Variants in MGST1 observed in about 807,000 individuals in gnomAD.
MGST1 encodes glutathione S-transferase 12.
In MGST1, 5 loss-of-function variants were observed where a neutral mutation model predicts 8.9. The ratio of observed to expected loss-of-function variants is 0.56; its 90% confidence interval spans 0.29 to 1.19. The LOEUF is 1.19. MGST1 is among the 50% of genes most tolerant of loss of function. MGST1 has a pLI of 0.08. For missense variants in MGST1, 182 were observed against 187.4 expected, an observed-to-expected ratio of 0.97 and a Z score of 0.17; for synonymous variants, 54 against 67.8, an observed-to-expected ratio of 0.80 and a Z score of 1.00.
At chr12:16,515,695 C>T (rs1022340147) in intron 4 of MGST1, among the ~76,000 whole-genome samples, 1 of 151,956 alleles carries the variant, frequency 6.6e-6, no homozygotes, top group African/African-American at 2.4e-5. Context: ...CTCATACCCT[C>T]ACCCTTCTCG....
At chr12:16,519,994 T>C (rs1172809368) in intron 4 of MGST1, among the ~76,000 whole-genome samples, 1 of 152,150 alleles carries the variant, frequency 6.6e-6, no homozygotes, top group Non-Finnish European at 1.5e-5. Context: ...AAGAGTGAGG[T>C]AGTGCTATTT....
At position 16,495,915 on chromosome 12, in the gene MGST1, G is replaced by A. The variant is rs1941467448; in HGVS notation, n.483-93613G>A. Among the ~76,000 whole-genome samples, 3 of 152,056 alleles carry A rather than the reference G, an allele frequency of 2.0e-5. No homozygotes were observed. In the South Asian group the frequency reaches 6.2e-4, roughly 31 times the overall value. On this transcript the variant is annotated intron_variant and non_coding_transcript_variant, in intron 4 of 4. Coordinates refer to the MGST1 transcript ENST00000538857. ...AAAGCATTTGTCACAATCAGTAAGA[G>A]CTCTTGATTAATTATAGTCCCCTTT...
intron 1 of MGST1, chr12:16,350,759 G>C (rs988883593): frequency 6.6e-6 from 1 of 152,202 alleles, no homozygotes; most frequent in Non-Finnish European, 1.5e-5. Flanking sequence ...CCTGTGAAGG[G>C]GAAGATGTTA....
chr12:16,379,513 G>A (rs1940428808), downstream of MGST1, among the ~76,000 whole-genome samples: 1 of 152,174 alleles, frequency 6.6e-6, no homozygotes, highest in African/African-American at 2.4e-5. Flanking sequence ...TGATCATGGT[G>A]GATAAGTTTT....
chr12:16,459,623 C>T (rs539553170), intron 4 of MGST1, among the ~76,000 whole-genome samples: 121 of 152,042 alleles, frequency 8.0e-4, no homozygotes, highest in African/African-American at 2.8e-3. Flanking sequence ...CAACTGGGGT[C>T]GAGAATGACC....
At chr12:16,393,838 C>G (rs1940574793) in intron 1 of MGST1, among the ~76,000 whole-genome samples, 1 of 152,114 alleles carries the variant, frequency 6.6e-6, no homozygotes, top group African/African-American at 2.4e-5. Context: ...CCATTCAAAC[C>G]CAATCTGAAT....
chr12:16,489,569 A>G (rs1420849549), intron 4 of MGST1, among the ~76,000 whole-genome samples: 1 of 152,062 alleles, frequency 6.6e-6, no homozygotes, highest in Non-Finnish European at 1.5e-5. Flanking sequence ...TTTTCTCCTT[A>G]TTTCCATTAT....
chr12:16,431,843 A>G (rs753388355), intron 1 of MGST1, among the ~76,000 whole-genome samples: 2 of 152,198 alleles, frequency 1.3e-5, no homozygotes, highest in Non-Finnish European at 2.9e-5. Context: ...ACAAACAACA[A>G]CAAAAAAATG....
intron 1 of MGST1, chr12:16,402,424 C>T (rs1436252254): frequency 1.6e-5 from 25 of 1,603,870 alleles, no homozygotes; most frequent in Admixed American, 3.3e-5. Flanking sequence ...CAGCCATAGC[C>T]CTGGACGCCG....
chr12:16,366,206 G>A (rs746432562), downstream of MGST1, among the ~76,000 whole-genome samples: 5 of 152,254 alleles, frequency 3.3e-5, no homozygotes, highest in South Asian at 6.2e-4. The surrounding 1 kb of genome is among the most constrained non-coding windows in gnomAD (Gnocchi z 4.0). Flanking sequence ...CAGAACACAC[G>A]TAAGGAAAAG....
At chr12:16,404,150 T>C (rs1471984699) in intron 1 of MGST1, among the ~76,000 whole-genome samples, 1 of 152,186 alleles carries the variant, frequency 6.6e-6, no homozygotes, top group Non-Finnish European at 1.5e-5. Context: ...TACATACAAG[T>C]ATATCTATTT....
intron 1 of MGST1, among the ~76,000 whole-genome samples, chr12:16,411,571 A>T (rs1233436313): frequency 6.6e-6 from 1 of 152,164 alleles, no homozygotes; most frequent in African/African-American, 2.4e-5. Flanking sequence ...TAGGTAATTC[A>T]TTCTAAGAAG....
exon 4 of MGST1, chr12:16,376,248 T>G: frequency 1.6e-6 from 1 of 632,740 alleles, no homozygotes; most frequent in South Asian, 2.0e-5. Context: ...AAGAAAAAAT[T>G]TATCTTTTCA....
At position 16,487,407 on chromosome 12, in the gene MGST1, G is replaced by GAAA. The variant is rs201224684; in HGVS notation, n.483-102120_483-102118dup. On this transcript the variant is annotated intron_variant and non_coding_transcript_variant, in intron 4 of 4. Coordinates refer to the MGST1 transcript ENST00000538857. ...ATTCTTCCAGAGAAGAGAAAAAGAA[G>GAAA]AAAGACTCTCCAACTAACTTTTTTA... 1.0e-3 allele frequency among the ~76,000 whole-genome samples: 158 copies of GAAA among 152,156 alleles called. 3 individuals are homozygous for GAAA. In the East Asian group the frequency reaches 0.026, roughly 25 times the overall value.
intron 1 of MGST1, among the ~76,000 whole-genome samples, chr12:16,436,016 A>C (rs1301602522): frequency 1.4e-5 from 2 of 139,346 alleles, no homozygotes; most frequent in Non-Finnish European, 3.2e-5. Flanking sequence ...CACACATAAC[A>C]CCTTCTTAAA....
At chr12:16,371,420 G>A (rs1165744641) in intron 3 of MGST1, among the ~76,000 whole-genome samples, 4 of 152,006 alleles carry the variant, frequency 2.6e-5, no homozygotes, top group Admixed American at 2.6e-4. Context: ...TTTAACTTAG[G>A]GCTTGTAAAG....
intron 4 of MGST1, among the ~76,000 whole-genome samples, chr12:16,444,345 A>G (rs372865623): frequency 1.4e-4 from 22 of 151,840 alleles, no homozygotes; most frequent in Admixed American, 8.5e-4. Flanking sequence ...TGATCTTCCA[A>G]TCCACTTTCA....
Position 16,395,804 on chromosome 12 carries a change from TACACAC to T in MGST1, n.778+12217_778+12222del, listed in dbSNP as rs61693803. ...TCATATATATATATATATATATATA[TACACAC>T]ACACACACACACACACCACAATTTC... On this transcript the variant is annotated intron_variant and non_coding_transcript_variant, in intron 1 of 1. Transcript: ENST00000359720. Among the ~76,000 whole-genome samples, 209 of 123,578 alleles carry T rather than the reference TACACAC, an allele frequency of 1.7e-3. 5 individuals are homozygous for T. The highest frequency in any genetic ancestry group is 6.7e-3 in the African/African-American group (195 of 28,896). 81.1% of individuals were successfully genotyped at this position (123,578 alleles called of 152,430 possible).
chr12:16,528,983 T>C (rs1479837869), intron 4 of MGST1, among the ~76,000 whole-genome samples: 6 of 151,442 alleles, frequency 4.0e-5, no homozygotes, highest in Admixed American at 1.3e-4. Context: ...GTGAGAGCTC[T>C]TAGCCTTGAT....
Sources: allele counts gnomAD v4.1 joint callset (sites outside exome capture counted in the v4.1 genomes callset), GRCh38; gene constraint gnomAD v4.1.1; non-coding constraint Gnocchi (gnomAD v3.1); transcripts MANE v1.5; gene names NCBI Gene and HGNC (gene_info 2026-07-23, HGNC 2026-07-21).